The following SRCIN1 variants were observed in gnomAD, a reference collection of about 807,000 sequenced individuals.
SRCIN1 encodes P130Cas-associated protein.
A neutral mutation model predicts 116.2 loss-of-function variants in SRCIN1; 50 were observed. The ratio of observed to expected loss-of-function variants is 0.43; its 90% CI spans 0.34 to 0.54. The LOEUF (loss-of-function observed/expected upper bound fraction) is 0.54, where lower values mean the gene tolerates loss of function less well. Ranked by LOEUF, SRCIN1 falls within the 20% of genes least tolerant of loss-of-function variation. The probability of loss-of-function intolerance (pLI) is 0.02; values close to 1 mark genes in which losing one functional copy is unlikely to be tolerated. For missense variants in SRCIN1, 1,446 were observed against 1,672.0 expected, an observed-to-expected ratio of 0.86 and a Z score of 2.36; for synonymous variants, 736 against 750.0, an observed-to-expected ratio of 0.98 and a Z score of 0.30.
intron 1 of SRCIN1, among the ~76,000 whole-genome samples, chr17:38,583,377 C>A (rs1306376296): frequency 6.6e-6 from 1 of 151,956 alleles, no homozygotes; most frequent in Non-Finnish European, 1.5e-5. Context: ...ACACACCCAG[C>A]CTCATTAATT....
At chr17:38,589,239 A>T (rs1908311788) in intron 1 of SRCIN1, among the ~76,000 whole-genome samples, 1 of 152,112 alleles carries the variant, frequency 6.6e-6, no homozygotes, top group Non-Finnish European at 1.5e-5. Context: ...TTGAACACCC[A>T]CACGTATTCA....
intron 7 of SRCIN1, 40 bp downstream of exon 7, chr17:38,561,423 C>G: frequency 6.8e-7 from 1 of 1,464,760 alleles, no homozygotes. Context: ...GCAGCGCACC[C>G]CCCACCCCCA....
At chr17:38,559,890 C>T (rs1906112742) in intron 9 of SRCIN1, 118 bp from the exon 10 acceptor site, 1 of 1,390,700 alleles carries the variant, frequency 7.2e-7, no homozygotes. Flanking sequence ...AAGCCCGTGG[C>T]TCTACCTGCC....
chr17:38,540,772 T>TGTGTGTGTGAGA (rs60254439), intron 18 of SRCIN1, among the ~76,000 whole-genome samples: 47 of 149,318 alleles, frequency 3.1e-4, no homozygotes, highest in African/African-American at 1.1e-3. Context: ...TGTGTGTGTG[T>TGTGTGTGTGAGA]GACACACACA....
At chr17:38,595,267 G>A (rs562975296) in intron 1 of SRCIN1, among the ~76,000 whole-genome samples, 26 of 152,150 alleles carry the variant, frequency 1.7e-4, no homozygotes, top group African/African-American at 6.3e-4. Context: ...ACCCAGGCTG[G>A]AGTGCGGTGG....
At chr17:38,550,351 C>A (rs1440082238) in intron 15 of SRCIN1, among the ~76,000 whole-genome samples, 2 of 152,014 alleles carry the variant, frequency 1.3e-5, no homozygotes, top group East Asian at 3.9e-4. Flanking sequence ...AAAAATTAGC[C>A]GGGCGTGGTG....
chr17:38,595,153 T>C (rs1908655125), intron 1 of SRCIN1, among the ~76,000 whole-genome samples: 1 of 149,684 alleles, frequency 6.7e-6, no homozygotes, highest in Middle Eastern at 3.4e-3. Flanking sequence ...CTATCTGCCT[T>C]GGTTGCTGTT....
At position 38,563,535 on chromosome 17, in the gene SRCIN1, G is replaced by A. The variant is rs1233050407; in HGVS notation, c.542-14C>T. 2.6e-6 allele frequency: 4 copies of A among 1,545,066 alleles called. No homozygotes were observed. The East Asian group carries it at 7.3e-5, about 28-fold the overall frequency. On this transcript the variant is annotated splice_polypyrimidine_tract_variant and intron_variant, in intron 4 of 18. Transcript: ENST00000617146. The surrounding 1 kb of genome is among the most constrained non-coding windows in gnomAD (Gnocchi z 5.8). ...GGAACAGCACCCCTGCGAAGGAGACGCCGCCCTCGCTGTCACTGCTGCCGT... is the reference window on the plus strand; with the variant it reads ...GGAACAGCACCCCTGCGAAGGAGACACCGCCCTCGCTGTCACTGCTGCCGT...
intron 1 of SRCIN1, among the ~76,000 whole-genome samples, chr17:38,597,332 C>A (rs1597938383): frequency 6.6e-6 from 1 of 152,192 alleles, no homozygotes; most frequent in South Asian, 2.1e-4. Context: ...AGGGGCCCAG[C>A]CCCAGACAGG....
chr17:38,581,216 C>T (rs1360605223), intron 1 of SRCIN1, among the ~76,000 whole-genome samples: 1 of 151,978 alleles, frequency 6.6e-6, no homozygotes, highest in East Asian at 1.9e-4. Context: ...ACCAGCCTGA[C>T]CAACATAGTG....
At chr17:38,569,348 C>T (rs1448224859) in intron 2 of SRCIN1, among the ~76,000 whole-genome samples, 1 of 152,224 alleles carries the variant, frequency 6.6e-6, no homozygotes, top group Admixed American at 6.5e-5. Flanking sequence ...AGCAGATGGC[C>T]TGGCCCGGGG....
intron 1 of SRCIN1, among the ~76,000 whole-genome samples, chr17:38,599,819 C>A (rs1295948044): frequency 6.6e-6 from 1 of 152,172 alleles, no homozygotes; most frequent in East Asian, 1.9e-4. Context: ...GATGAGGGAA[C>A]AGCAGCCTGG....
Position 38,552,181 on chromosome 17 carries a change from C to G in SRCIN1, c.2481-49G>C, listed in dbSNP as rs1905469592. On this transcript the variant is annotated intron_variant, in intron 13 of 18. Transcript: ENST00000617146. This position sits in a 1 kb window ranked among gnomAD's most constrained non-coding sequence, Gnocchi z 5.3. ...AGCTGTGAGGCCAGCAGGTGGTGAC[C>G]CTTCTGCAGGAAGGCTGCTCTGAGG... 2 of 1,571,244 alleles carry G rather than the reference C, an allele frequency of 1.3e-6. No homozygotes were observed. Among genetic ancestry groups the G allele is most frequent in the African/African-American group, 2.7e-5 (2 of 74,086 alleles).
chr17:38,546,579 A>C (rs1341366295), intron 17 of SRCIN1: 2 of 152,340 alleles, frequency 1.3e-5, no homozygotes, highest in Non-Finnish European at 2.9e-5. Context: ...GGCCTTGTCC[A>C]CTGGGCCCCT....
chr17:38,561,443 G>T lies in SRCIN1; in HGVS notation c.1700+20C>A, dbSNP rs377666086. The T allele has an allele frequency of 6.8e-5, 103 of 1,507,876 alleles. No individual in the cohort carries two copies. The East Asian group carries it at 1.2e-3, about 17-fold the overall frequency. 93.4% of individuals were successfully genotyped at this position (1,507,876 alleles called of 1,614,324 possible). A position where few individuals can be genotyped will look rare whatever the true frequency, so the allele number is the denominator to read the frequency against. ...GCACCCCCCACCCCCAGTCCCTGAG[G>T]CCTGGTTAACGTCCCTCACCTGGTC... On this transcript the variant is annotated intron_variant, in intron 7 of 18. Coordinates refer to ENST00000617146, the MANE Select transcript of SRCIN1 (RefSeq NM_025248.3).
rs761065156 is a variant in SRCIN1, at chr17:38,561,635, G to A, written c.1528C>T (p.Arg510Cys). The A allele has an allele frequency of 2.5e-6, 4 of 1,577,364 alleles. No homozygotes were observed. The highest frequency in any genetic ancestry group is 1.1e-5 in the South Asian group (1 of 88,264). ...SRGSPVRQSF[R>C]KDSGSSSVFA... Reference sequence around the variant, plus strand: ...ACGGACGAGGAGCCCGAGTCCTTGCGGAAGGACTGGCGCACTGGCGAGCCG... The same window carrying A: ...ACGGACGAGGAGCCCGAGTCCTTGCAGAAGGACTGGCGCACTGGCGAGCCG... The change falls in exon 7 of 19, where the codon CGC (arginine) becomes TGC (cysteine). Residue 510 changes from arginine (R) to cysteine (C), a missense_variant. Around this residue, in one of 5 missense-constraint regions of SRCIN1, gnomAD observed 398 missense variants for 385.6 expected, o/e 1.03. Coordinates refer to ENST00000617146, the MANE Select transcript of SRCIN1 (RefSeq NM_025248.3).
Position 38,563,452 on chromosome 17 carries a change from T to C in SRCIN1, c.611A>G (p.Asp204Gly). Residue 204 changes from aspartate to glycine, a missense_variant, in exon 5 of 19, where the codon GAC becomes GGC. Physicochemically the swap from Asp to Gly is moderately conservative, Grantham distance 94 (BLOSUM62 -1). Around this residue, in one of 5 missense-constraint regions of SRCIN1, gnomAD observed 32 missense variants for 69.7 expected, o/e 0.46. Coordinates refer to ENST00000617146, the MANE Select transcript of SRCIN1 (RefSeq NM_025248.3). The surrounding 1 kb of genome is among the most constrained non-coding windows in gnomAD (Gnocchi z 5.8). The part of the protein sequence containing the change: ...VHITHEVSSL[D>G]TLHALIAHMF... ...GTGCGCGATGAGTGCGTGCAGCGTG[T>C]CCAGGCTGCTGACCTCGTGCGTGAT... 1 of 1,559,532 alleles carries C rather than the reference T, an allele frequency of 6.4e-7. No individual in the cohort carries two copies. The highest frequency in any genetic ancestry group is 8.7e-7 in the Non-Finnish European group (1 of 1,151,202).
chr17:38,559,662 T>G lies in SRCIN1; in HGVS notation c.1948A>C (p.Met650Leu). 6.2e-7 allele frequency: 1 copy of G among 1,601,896 alleles called. No homozygotes were observed. Residue 650 changes from methionine to leucine, a missense_variant, in exon 10 of 19, where the codon ATG becomes CTG. By Grantham distance (15) the Met-to-Leu change is conservative. Transcript: ENST00000617146. Reference protein sequence around the residue: ...GQPTAVSRLQMQLHLRGLQNS... With the variant: ...GQPTAVSRLQLQLHLRGLQNS... ...TGCAGGCCTCGCAGGTGAAGCTGCATCTGCAGCCGGCTAACGGCGGTAGGC... is the reference window on the plus strand; with the variant it reads ...TGCAGGCCTCGCAGGTGAAGCTGCAGCTGCAGCCGGCTAACGGCGGTAGGC...
chr17:38,544,864 CG>C lies in SRCIN1; in HGVS notation c.3271-896del, dbSNP rs1446842442. Reference sequence around the variant, plus strand: ...GAAGGCAGCAGAGGAGGATGAAAAGCGGGCAGCCACCTGGGGGCGGAGGGGT... The same window carrying C: ...GAAGGCAGCAGAGGAGGATGAAAAGCGGCAGCCACCTGGGGGCGGAGGGGT... On this transcript the variant is annotated intron_variant, in intron 17 of 18. Coordinates refer to ENST00000617146, the MANE Select transcript of SRCIN1 (RefSeq NM_025248.3). This position sits in a 1 kb window ranked among gnomAD's most constrained non-coding sequence, Gnocchi z 4.5. 1 of 124,894 alleles carries C rather than the reference CG, an allele frequency of 8.0e-6. No individual in the cohort carries two copies. Among genetic ancestry groups the C allele is most frequent in the Non-Finnish European group, 1.6e-5 (1 of 61,450 alleles). 7.7% of individuals were successfully genotyped at this position (124,894 alleles called of 1,614,324 possible).
Sources: allele counts gnomAD v4.1 joint callset (sites outside exome capture counted in the v4.1 genomes callset), GRCh38; gene constraint gnomAD v4.1.1; regional missense constraint gnomAD v4.1.1; non-coding constraint Gnocchi (gnomAD v3.1); transcripts MANE v1.5; gene names NCBI Gene and HGNC (gene_info 2026-07-23, HGNC 2026-07-21).